VEGFC: variants seen among roughly 807,000 people sequenced by gnomAD.
VEGFC encodes vascular endothelial growth factor C.
VEGFC carries 12 observed loss-of-function variants against 46.1 expected under a neutral mutation model. The ratio of observed to expected loss-of-function variants is 0.26; its 90% CI spans 0.17 to 0.42. VEGFC has a LOEUF of 0.42. Ranked by LOEUF, VEGFC falls within the 10% of genes least tolerant of loss-of-function variation. The pLI, the probability that VEGFC is intolerant of heterozygous loss-of-function variation, is 1.00. For synonymous variants in VEGFC, 232 were observed against 195.5 expected (o/e 1.19, Z -1.56); for missense variants, 488 against 529.4 (o/e 0.92, Z 0.77).
At chr4:176,713,652 T>G (rs1734653294) in intron 3 of VEGFC, among the ~76,000 whole-genome samples, 1 of 151,766 alleles carries the variant, frequency 6.6e-6, no homozygotes, top group Non-Finnish European at 1.5e-5. Flanking sequence ...GTAATTGGAG[T>G]CTTGGACATT....
At chr4:176,728,488 G>A (rs557506072) in intron 2 of VEGFC, among the ~76,000 whole-genome samples, 3 of 152,220 alleles carry the variant, frequency 2.0e-5, no homozygotes, top group Admixed American at 6.5e-5. Flanking sequence ...GAGTAATGTC[G>A]TGGCTGCAGC....
At chr4:176,694,429 ACTAT>A in intron 4 of VEGFC, among the ~76,000 whole-genome samples, 1 of 152,232 alleles carries the variant, frequency 6.6e-6, no homozygotes, top group East Asian at 1.9e-4. Flanking sequence ...AGAAGAGCTA[ACTAT>A]CCTAAATATA....
chr4:176,792,379 G>T lies in VEGFC; in HGVS notation c.-68C>A. ...CAGGGGTGGGGGCGCGGGCGCCCCT[G>T]CGAGGCCGCGGGCCCCTCCTGGTCC... is the stretch of plus-strand genomic sequence containing the variant. On this transcript the variant is annotated 5_prime_UTR_variant, in exon 1 of 7. Transcript: ENST00000618562. The surrounding 1 kb of genome is among the most constrained non-coding windows in gnomAD (Gnocchi z 6.3). 7.9e-7 allele frequency: 1 copy of T among 1,267,286 alleles called. No individual in the cohort carries two copies. The highest frequency in any genetic ancestry group is 1.8e-5 in the South Asian group (1 of 56,224). The allele number at this position is 1,267,286 out of a possible 1,614,324, so 78.5% of individuals were successfully genotyped here.
chr4:176,779,416 A>G (rs1223215353), intron 1 of VEGFC, among the ~76,000 whole-genome samples: 1 of 152,148 alleles, frequency 6.6e-6, no homozygotes, highest in Non-Finnish European at 1.5e-5. Flanking sequence ...TTTCTGGAAG[A>G]AGTTTAAAAT....
rs1261949661 is a variant in VEGFC, at chr4:176,740,094, CTATACATATATTCTA to C, written c.148-10363_148-10349del. 4.3e-4 allele frequency among the ~76,000 whole-genome samples: 7 copies of C among 16,466 alleles called. No individual in the cohort carries two copies. In the East Asian group the frequency reaches 0.094, roughly 221 times the overall value. The allele number at this position is 16,466 out of a possible 152,430, so 10.8% of individuals were successfully genotyped here. ...CTATATATTATATATTCTATATATT[CTATACATATATTCTA>C]TATATATATTCTATATATAGAATAT... On this transcript the variant is annotated intron_variant, in intron 1 of 6. Coordinates refer to ENST00000618562, the MANE Select transcript of VEGFC (RefSeq NM_005429.5).
At chr4:176,775,502 T>C (rs1050604759) in intron 1 of VEGFC, among the ~76,000 whole-genome samples, 1 of 152,202 alleles carries the variant, frequency 6.6e-6, no homozygotes, top group African/African-American at 2.4e-5. Flanking sequence ...AAACATTCCA[T>C]TGACTTTTGT....
intron 1 of VEGFC, among the ~76,000 whole-genome samples, chr4:176,747,716 C>T (rs964548161): frequency 6.6e-6 from 1 of 152,048 alleles, no homozygotes. Context: ...ATCCCTTGAG[C>T]CCAGGTTCAA....
chr4:176,785,171 A>G (rs1411978473), intron 1 of VEGFC, among the ~76,000 whole-genome samples: 1 of 152,198 alleles, frequency 6.6e-6, no homozygotes, highest in African/African-American at 2.4e-5. Flanking sequence ...TTACTATTGC[A>G]TAAAAGTAAG....
chr4:176,720,572 C>T (rs1310345970), intron 3 of VEGFC, among the ~76,000 whole-genome samples: 1 of 152,096 alleles, frequency 6.6e-6, no homozygotes, highest in Non-Finnish European at 1.5e-5. Context: ...GGTGCAGTGG[C>T]TCACACCTGT....
At chr4:176,685,892 A>G (rs977596362) in intron 6 of VEGFC, among the ~76,000 whole-genome samples, 12 of 152,220 alleles carry the variant, frequency 7.9e-5, no homozygotes, top group African/African-American at 2.9e-4. Flanking sequence ...ATATTAGTTT[A>G]GGAAAACCAC....
intron 1 of VEGFC, among the ~76,000 whole-genome samples, chr4:176,757,630 C>T (rs945201828): frequency 6.6e-6 from 1 of 151,272 alleles, no homozygotes; most frequent in Non-Finnish European, 1.5e-5. Flanking sequence ...TCTTCATTAA[C>T]AATTTTTGTG....
intron 1 of VEGFC, among the ~76,000 whole-genome samples, chr4:176,776,560 T>C (rs1258279917): frequency 2.0e-5 from 3 of 152,234 alleles, no homozygotes; most frequent in African/African-American, 7.2e-5. Context: ...GCAGCACAAC[T>C]GTGCCCTATA....
intron 1 of VEGFC, among the ~76,000 whole-genome samples, chr4:176,757,763 T>A (rs1031277174): frequency 1.3e-5 from 2 of 152,098 alleles, no homozygotes; most frequent in Admixed American, 6.6e-5. Context: ...AATTCTCATA[T>A]AATTATCCTT....
intron 1 of VEGFC, among the ~76,000 whole-genome samples, chr4:176,776,929 C>T (rs570736592): frequency 1.3e-5 from 2 of 152,196 alleles, no homozygotes; most frequent in South Asian, 4.2e-4. Flanking sequence ...TTATAAATAG[C>T]ACAGTAAGTG....
At chr4:176,743,688 G>C (rs1382746881) in intron 1 of VEGFC, among the ~76,000 whole-genome samples, 1 of 151,438 alleles carries the variant, frequency 6.6e-6, no homozygotes, top group African/African-American at 2.4e-5. Context: ...TCCAGCAGCA[G>C]TGGCATGTTA....
At chr4:176,729,448 AAACACT>A in intron 2 of VEGFC, 79 bp downstream of exon 2, 1 of 1,138,656 alleles carries the variant, frequency 8.8e-7, no homozygotes, top group Non-Finnish European at 1.2e-6. Context: ...TCGGTGATAC[AAACACT>A]GAAATTAAAG....
chr4:176,692,483 C>G (rs1485485779), intron 4 of VEGFC, among the ~76,000 whole-genome samples: 4 of 135,090 alleles, frequency 3.0e-5, no homozygotes, highest in Non-Finnish European at 4.5e-5. Context: ...CCTACGCCCA[C>G]GGAGTCTCGC....
intron 4 of VEGFC, among the ~76,000 whole-genome samples, chr4:176,710,007 A>T (rs1734595630): frequency 6.6e-6 from 1 of 151,502 alleles, no homozygotes; most frequent in Non-Finnish European, 1.5e-5. Flanking sequence ...GAAGAAGAAG[A>T]AGTAATGACA....
chr4:176,716,838 C>T (rs1366766173), intron 3 of VEGFC, among the ~76,000 whole-genome samples: 3 of 152,008 alleles, frequency 2.0e-5, no homozygotes, highest in Non-Finnish European at 4.4e-5. Context: ...ATGTTTGAAA[C>T]AGTAAGTAGA....
Sources: allele counts gnomAD v4.1 joint callset (sites outside exome capture counted in the v4.1 genomes callset), GRCh38; gene constraint gnomAD v4.1.1; non-coding constraint Gnocchi (gnomAD v3.1); transcripts MANE v1.5; gene names NCBI Gene and HGNC (gene_info 2026-07-23, HGNC 2026-07-21).